Variants in DLG2 observed in about 807,000 individuals in gnomAD.
The protein encoded by DLG2 is disks large homolog 2.
Under a neutral mutation model 132.5 loss-of-function variants are expected in DLG2, and 45 were observed. The ratio of observed to expected loss-of-function variants is 0.34; its 90% CI spans 0.27 to 0.44. DLG2 has a LOEUF of 0.44. DLG2 is among the 20% of genes least tolerant of loss of function. The pLI is 1.00. For missense variants in DLG2, 1,045 were observed against 1,196.9 expected, an observed-to-expected ratio of 0.87 and a Z score of 1.87; for synonymous variants, 424 against 419.6, an observed-to-expected ratio of 1.01 and a Z score of -0.13.
At chr11:84,027,926 A>G (rs985111768) in intron 11 of DLG2, among the ~76,000 whole-genome samples, 8 of 152,222 alleles carry the variant, frequency 5.3e-5, no homozygotes, top group Admixed American at 3.3e-4. Context: ...TAGAAATAAG[A>G]ATGTACAGAA....
chr11:84,918,584 T>C (rs994102800), intron 6 of DLG2, among the ~76,000 whole-genome samples: 2 of 152,274 alleles, frequency 1.3e-5, no homozygotes, highest in African/African-American at 4.8e-5. Context: ...AAAATTAGCA[T>C]GATAAATGTC....
intron 6 of DLG2, among the ~76,000 whole-genome samples, chr11:84,869,919 C>A (rs1266834738): frequency 6.6e-6 from 1 of 152,166 alleles, no homozygotes; most frequent in Non-Finnish European, 1.5e-5. Context: ...ATATTCCCTT[C>A]CGTTTGGCAG....
At chr11:85,059,220 T>C (rs2063773888) in intron 6 of DLG2, among the ~76,000 whole-genome samples, 3 of 150,520 alleles carry the variant, frequency 2.0e-5, no homozygotes, top group South Asian at 2.1e-4. Flanking sequence ...ATGAGAGAAA[T>C]ACAAAATTGA....
intron 4 of DLG2, among the ~76,000 whole-genome samples, chr11:85,217,455 T>C (rs1361543865): frequency 6.6e-6 from 1 of 152,194 alleles, no homozygotes; most frequent in Non-Finnish European, 1.5e-5. Flanking sequence ...TACATCATTT[T>C]ATAAGGAAGC....
chr11:85,136,746 G>A (rs559685343), intron 5 of DLG2, among the ~76,000 whole-genome samples: 1 of 152,170 alleles, frequency 6.6e-6, no homozygotes, highest in East Asian at 1.9e-4. Flanking sequence ...TTCCAACAGG[G>A]AAAAATATGT....
chr11:84,235,879 T>C (rs1448743141), intron 8 of DLG2, among the ~76,000 whole-genome samples: 1 of 152,154 alleles, frequency 6.6e-6, no homozygotes, highest in Non-Finnish European at 1.5e-5. Flanking sequence ...GAAGTAACAA[T>C]AATATACTTT....
chr11:85,523,574 C>G (rs894249612), intron 3 of DLG2, among the ~76,000 whole-genome samples: 22 of 152,060 alleles, frequency 1.4e-4, no homozygotes, highest in Non-Finnish European at 1.0e-4. Context: ...AAAAGACAGG[C>G]AATAACAAAT....
intron 7 of DLG2, among the ~76,000 whole-genome samples, chr11:84,513,634 C>T (rs561922841): frequency 1.3e-5 from 2 of 151,938 alleles, no homozygotes; most frequent in Admixed American, 1.3e-4. Flanking sequence ...TATCCATATG[C>T]AGAAGAATGA....
At chr11:83,508,636 T>C (rs1055217567) in intron 21 of DLG2, among the ~76,000 whole-genome samples, 3 of 152,036 alleles carry the variant, frequency 2.0e-5, no homozygotes, top group Non-Finnish European at 2.9e-5. Flanking sequence ...TTGCACTAAT[T>C]ATCTCATTGA....
At chr11:84,088,893 C>G (rs906140718) in intron 10 of DLG2, among the ~76,000 whole-genome samples, 1 of 152,174 alleles carries the variant, frequency 6.6e-6, no homozygotes, top group South Asian at 2.1e-4. Flanking sequence ...TTCAGAGCAA[C>G]AGCTGGGCTT....
chr11:84,987,667 GA>G (rs1210120546), intron 6 of DLG2, among the ~76,000 whole-genome samples: 2 of 152,092 alleles, frequency 1.3e-5, no homozygotes, highest in African/African-American at 4.8e-5. Flanking sequence ...ATAAAGTGGG[GA>G]AAAGACACCC....
In DLG2 at chr11:84,031,924, T is replaced by A. The variant is rs1161069435; in HGVS notation, c.919+27391A>T. On this transcript the variant is annotated intron_variant, in intron 11 of 27. Transcript: ENST00000376104. ...ATTTCAAAATTTTTAATGATTATTATATCTGATATAGTAACATGTGATCAG... is the reference window on the plus strand; with the variant it reads ...ATTTCAAAATTTTTAATGATTATTAAATCTGATATAGTAACATGTGATCAG... Among the ~76,000 whole-genome samples, 3 of 152,344 alleles carry A rather than the reference T, an allele frequency of 2.0e-5. No individual in the cohort carries two copies. The East Asian group carries it at 5.8e-4, about 29-fold the overall frequency.
At chr11:85,164,682 C>A (rs565812245) in intron 4 of DLG2, among the ~76,000 whole-genome samples, 41 of 152,152 alleles carry the variant, frequency 2.7e-4, no homozygotes, top group Non-Finnish European at 5.0e-4. Context: ...AAAACCGAAT[C>A]ATTTAATGAA....
Position 85,057,362 on chromosome 11 carries a change from T to C in DLG2, c.357+54299A>G, listed in dbSNP as rs150018479. Among the ~76,000 whole-genome samples, 88 of 151,600 alleles carry C rather than the reference T, an allele frequency of 5.8e-4. No individual in the cohort carries two copies. The East Asian group carries it at 0.016, about 27-fold the overall frequency. On this transcript the variant is annotated intron_variant, in intron 6 of 27. Coordinates refer to ENST00000376104, the MANE Select transcript of DLG2 (RefSeq NM_001142699.3). ...AATATTAGGAGTAAAAAATAAAACATCACTTCAGATCTTACCAAAGACAAT... is the reference window on the plus strand; with the variant it reads ...AATATTAGGAGTAAAAAATAAAACACCACTTCAGATCTTACCAAAGACAAT...
intron 7 of DLG2, among the ~76,000 whole-genome samples, chr11:84,386,225 A>ATATGAGTAT (rs1421726273): frequency 9.9e-5 from 15 of 151,838 alleles, no homozygotes; most frequent in African/African-American, 1.7e-4. Context: ...GTGTCTCTTT[A>ATATGAGTAT]CCCTTATATG....
intron 3 of DLG2, among the ~76,000 whole-genome samples, chr11:85,559,694 T>TA (rs896096039): frequency 3.3e-5 from 5 of 151,048 alleles, no homozygotes; most frequent in Non-Finnish European, 5.9e-5. Flanking sequence ...AAATACCATG[T>TA]AAAAAAAAAT....
chr11:83,700,232 C>T (rs1190305265), intron 18 of DLG2, among the ~76,000 whole-genome samples: 1 of 152,070 alleles, frequency 6.6e-6, no homozygotes, highest in Non-Finnish European at 1.5e-5. Flanking sequence ...AGCATTGACA[C>T]ACATCAGTGA....
chr11:85,239,438 T>A (rs758312529), intron 4 of DLG2, among the ~76,000 whole-genome samples: 1 of 152,104 alleles, frequency 6.6e-6, no homozygotes, highest in South Asian at 2.1e-4. Context: ...TATCTACATA[T>A]ACTTTATTCA....
At chr11:84,279,935 A>G (rs1458363823) in intron 7 of DLG2, among the ~76,000 whole-genome samples, 3 of 152,210 alleles carry the variant, frequency 2.0e-5, no homozygotes, top group African/African-American at 7.2e-5. Flanking sequence ...ACAAAATCCA[A>G]TATCTATTTC....
Sources: gnomAD v4.1 joint callset for allele counts (sites outside exome capture counted in the v4.1 genomes callset) on GRCh38, gnomAD v4.1.1 for gene constraint, MANE v1.5 for transcripts, NCBI Gene and HGNC (gene_info 2026-07-23, HGNC 2026-07-21) for gene names.